The following PXDNL variants were observed in gnomAD, a reference collection of about 807,000 sequenced individuals.
PXDNL encodes peroxidasin like, also known as probable oxidoreductase PXDNL.
In PXDNL, 145 loss-of-function variants were observed where a neutral mutation model predicts 150.8. The ratio of observed to expected loss-of-function variants is 0.96; its 90% CI spans 0.84 to 1.10. PXDNL has a LOEUF of 1.10. PXDNL is among the 50% of genes least tolerant of loss of function. The pLI, the probability that PXDNL is intolerant of heterozygous loss-of-function variation, is 0.00. For synonymous variants in PXDNL, 757 were observed against 725.7 expected (o/e 1.04, Z -0.69); for missense variants, 2,087 against 1,873.9 (o/e 1.11, Z -2.10).
chr8:51,634,547 T>G (rs1814563662), intron 2 of PXDNL, among the ~76,000 whole-genome samples: 1 of 152,192 alleles, frequency 6.6e-6, no homozygotes, highest in South Asian at 2.1e-4. Flanking sequence ...GGAACAGTGC[T>G]GAATCTGTAG....
intron 14 of PXDNL, among the ~76,000 whole-genome samples, chr8:51,416,164 A>T (rs1808793982): frequency 6.6e-6 from 1 of 152,212 alleles, no homozygotes; most frequent in African/African-American, 2.4e-5. Flanking sequence ...AAGTATTGTC[A>T]TTGGGCTACT....
intron 2 of PXDNL, among the ~76,000 whole-genome samples, chr8:51,616,240 G>T (rs1481140887): frequency 6.6e-6 from 1 of 152,164 alleles, no homozygotes; most frequent in East Asian, 1.9e-4. Flanking sequence ...TGAAAAATCT[G>T]CACAGATGGT....
chr8:51,653,853 G>A (rs1815092802), intron 2 of PXDNL, among the ~76,000 whole-genome samples: 1 of 152,198 alleles, frequency 6.6e-6, no homozygotes, highest in Non-Finnish European at 1.5e-5. Context: ...TAGCCTCACT[G>A]AAGATTCTTA....
chr8:51,637,221 AT>A (rs1814624432), intron 2 of PXDNL, among the ~76,000 whole-genome samples: 1 of 152,222 alleles, frequency 6.6e-6, no homozygotes, highest in Non-Finnish European at 1.5e-5. Flanking sequence ...CCAAAGGTAG[AT>A]AAAACCATAA....
At chr8:51,532,364 T>C (rs755191726) in intron 4 of PXDNL, among the ~76,000 whole-genome samples, 9 of 152,228 alleles carry the variant, frequency 5.9e-5, no homozygotes, top group East Asian at 1.9e-4. Flanking sequence ...TGTGCAACAA[T>C]GTGTGAGTGG....
At chr8:51,610,552 ATTGC>A (rs1185888697) in intron 2 of PXDNL, among the ~76,000 whole-genome samples, 2 of 152,130 alleles carry the variant, frequency 1.3e-5, no homozygotes, top group Non-Finnish European at 2.9e-5. Context: ...TTAATTTTCT[ATTGC>A]TATATAACAA....
intron 2 of PXDNL, among the ~76,000 whole-genome samples, chr8:51,643,364 A>C (rs1186229847): frequency 6.6e-6 from 1 of 152,200 alleles, no homozygotes; most frequent in Non-Finnish European, 1.5e-5. Flanking sequence ...AATGGAACAG[A>C]ACAGAGCCCT....
At chr8:51,448,208 T>C (rs1809721989) in intron 11 of PXDNL, among the ~76,000 whole-genome samples, 3 of 152,214 alleles carry the variant, frequency 2.0e-5, no homozygotes, top group South Asian at 4.1e-4. Context: ...TCCTGTTCTG[T>C]TATGTGCCCA....
At chr8:51,607,963 GAGAA>G (rs1215819174) in intron 2 of PXDNL, among the ~76,000 whole-genome samples, 5 of 136,992 alleles carry the variant, frequency 3.6e-5, no homozygotes, top group Admixed American at 1.5e-4. Context: ...AAGAAATAAA[GAGAA>G]AGAAAGGAAG....
intron 4 of PXDNL, among the ~76,000 whole-genome samples, chr8:51,509,421 G>A (rs1811363030): frequency 7.6e-6 from 1 of 132,260 alleles, no homozygotes; most frequent in Admixed American, 7.6e-5. Flanking sequence ...AATCAAATCT[G>A]TTCCTCTGAT....
chr8:51,412,979 C>CT, intron 15 of PXDNL, among the ~76,000 whole-genome samples, 171 bp downstream of exon 15: 1 of 152,266 alleles, frequency 6.6e-6, no homozygotes, highest in East Asian at 1.9e-4. Flanking sequence ...GAAGTTTCCC[C>CT]TTTTTTAGGG....
chr8:51,717,351 G>A (rs1816634777), intron 1 of PXDNL, among the ~76,000 whole-genome samples: 1 of 152,122 alleles, frequency 6.6e-6, no homozygotes. Context: ...CTGGAAAGGG[G>A]GAAAAACCAT....
chr8:51,700,186 CACACACA>C (rs1563511430), intron 1 of PXDNL, among the ~76,000 whole-genome samples: 6 of 151,136 alleles, frequency 4.0e-5, no homozygotes, highest in African/African-American at 1.5e-4. Context: ...CACACACACA[CACACACA>C]CACCATCACA....
intron 1 of PXDNL, among the ~76,000 whole-genome samples, chr8:51,808,117 G>C (rs572458793): frequency 2.0e-4 from 30 of 152,256 alleles, no homozygotes; most frequent in Admixed American, 8.5e-4. Flanking sequence ...TTATTACCAA[G>C]TCCTCATTTC....
At chr8:51,753,170 G>C (rs1464631075) in intron 1 of PXDNL, among the ~76,000 whole-genome samples, 1 of 152,198 alleles carries the variant, frequency 6.6e-6, no homozygotes, top group African/African-American at 2.4e-5. Context: ...AGGGAATATA[G>C]TTTCCGGAGA....
chr8:51,756,346 A>G (rs1438381268), intron 1 of PXDNL, among the ~76,000 whole-genome samples: 5 of 151,508 alleles, frequency 3.3e-5, no homozygotes, highest in African/African-American at 7.3e-5. Flanking sequence ...GAGTCCAGAT[A>G]GCATGATTGC....
chr8:51,615,083 A>G (rs977770519), intron 2 of PXDNL, among the ~76,000 whole-genome samples: 1 of 152,218 alleles, frequency 6.6e-6, no homozygotes, highest in African/African-American at 2.4e-5. Context: ...TGTGACTTCA[A>G]TCAGACATGC....
rs373372683 is a variant in PXDNL, at chr8:51,320,948, C to T, written c.4147-51G>A. 2.0e-5 allele frequency: 26 copies of T among 1,286,860 alleles called. No homozygotes were observed. In the African/African-American group the frequency reaches 3.7e-4, roughly 18 times the overall value. 79.7% of individuals were successfully genotyped at this position (1,286,860 alleles called of 1,614,324 possible). A position where few individuals can be genotyped will look rare whatever the true frequency, so the allele number is the denominator to read the frequency against. ...GAGTGGAAATTGAAGCGGATAGCAA[C>T]AAAGCCAATCAATAACATGGTTTGA... On this transcript the variant is annotated intron_variant, in intron 21 of 22. Coordinates refer to ENST00000356297, the MANE Select transcript of PXDNL (RefSeq NM_144651.5).
intron 1 of PXDNL, among the ~76,000 whole-genome samples, chr8:51,765,771 C>T (rs531664963): frequency 5.9e-5 from 9 of 151,522 alleles, no homozygotes; most frequent in African/African-American, 2.2e-4. Flanking sequence ...TCTTTTTGTT[C>T]CTCTATTTCT....
Sources: gnomAD v4.1 joint callset for allele counts (sites outside exome capture counted in the v4.1 genomes callset) on GRCh38, gnomAD v4.1.1 for gene constraint, MANE v1.5 for transcripts, NCBI Gene and HGNC (gene_info 2026-07-23, HGNC 2026-07-21) for gene names.